The following CYRIB variants were observed in gnomAD, a reference collection of about 807,000 sequenced individuals.
The protein encoded by CYRIB is CYFIP-related Rac1 interactor B.
A neutral mutation model predicts 44.2 loss-of-function variants in CYRIB; 8 were observed. That is an observed-to-expected ratio of 0.18 (90% CI 0.11 to 0.33). The LOEUF (loss-of-function observed/expected upper bound fraction) is 0.33. CYRIB is among the 10% of genes least tolerant of loss of function. The pLI, the probability that CYRIB is intolerant of heterozygous loss-of-function variation, is 1.00. For missense variants in CYRIB, 185 were observed against 382.8 expected (o/e 0.48, Z 4.31); for synonymous variants, 131 against 127.2 (o/e 1.03, Z -0.20).
chr8:129,911,246 A>C (rs919401916), intron 1 of CYRIB, among the ~76,000 whole-genome samples: 1 of 152,216 alleles, frequency 6.6e-6, no homozygotes, highest in Admixed American at 6.5e-5. Flanking sequence ...GTTAAAATTA[A>C]ACCCTTTTCA....
chr8:129,869,893 C>G (rs905128489), intron 4 of CYRIB, among the ~76,000 whole-genome samples: 1 of 150,588 alleles, frequency 6.6e-6, no homozygotes. Context: ...ACCTCCCCCC[C>G]GCCCAAAAAA....
intron 3 of CYRIB, among the ~76,000 whole-genome samples, chr8:129,874,555 AC>A (rs1588190371): frequency 6.6e-6 from 1 of 152,236 alleles, no homozygotes; most frequent in East Asian, 1.9e-4. Flanking sequence ...TTACATCAAG[AC>A]AGAGACCAGA....
In CYRIB at chr8:129,850,849, G is replaced by T. The variant is rs1016510062; in HGVS notation, c.699C>A (p.Val233=). Reference sequence around the variant, plus strand: ...CTGATACTCACGGTGTTTCCAGCATGACTCTGCATACACTAGCCATTGTGC... The same window carrying T: ...CTGATACTCACGGTGTTTCCAGCATTACTCTGCATACACTAGCCATTGTGC... Residue 233 remains valine, a synonymous_variant, in exon 9 of 12, where the codon GTC becomes GTA. Coordinates refer to ENST00000519824, the Ensembl canonical transcript of CYRIB. 5 of 1,612,024 alleles carry T rather than the reference G, an allele frequency of 3.1e-6. No individual in the cohort carries two copies. The African/African-American group carries it at 6.7e-5, about 22-fold the overall frequency.
Position 129,999,583 on chromosome 8 carries a change from C to T in CYRIB, c.-296+16787G>A, listed in dbSNP as rs892841603. On this transcript the variant is annotated intron_variant, in intron 1 of 14. Coordinates refer to the CYRIB transcript ENST00000401979. ...CTTCCTGCCTGGTGGGCACCCCCAA[C>T]GATTGGCTAAGTTGGATGGAATCTC... Among the ~76,000 whole-genome samples, 72 of 152,348 alleles carry T rather than the reference C, an allele frequency of 4.7e-4. 1 individual carries two copies. Among genetic ancestry groups the T allele is most frequent in the African/African-American group, 1.7e-3 (69 of 41,584 alleles).
intron 2 of CYRIB, chr8:129,901,873 A>G (rs1456494755): frequency 6.6e-6 from 1 of 152,188 alleles, no homozygotes; most frequent in Non-Finnish European, 1.5e-5. Flanking sequence ...AGAAACACAC[A>G]TATTAATGTA....
chr8:129,924,292 G>C (rs868355987), intron 1 of CYRIB, among the ~76,000 whole-genome samples: 3 of 27,250 alleles, frequency 1.1e-4, no homozygotes, highest in Admixed American at 3.9e-4. Context: ...AAAAAAAACC[G>C]GGGGGGGGGG....
At chr8:129,998,876 T>C (rs1162192792) in intron 1 of CYRIB, among the ~76,000 whole-genome samples, 2 of 152,112 alleles carry the variant, frequency 1.3e-5, no homozygotes, top group Admixed American at 6.6e-5. Flanking sequence ...AAGTGAAATA[T>C]ATAAACCCCT....
chr8:129,989,361 T>A (rs2096564187), intron 1 of CYRIB, among the ~76,000 whole-genome samples: 1 of 152,226 alleles, frequency 6.6e-6, no homozygotes, highest in Non-Finnish European at 1.5e-5. Context: ...CGGTCTCTAC[T>A]TCCCAAAGCG....
chr8:129,842,072 T>TA, exon 12 of CYRIB: 5 of 1,121,208 alleles, frequency 4.5e-6, no homozygotes, highest in Non-Finnish European at 6.6e-6. Flanking sequence ...TTGCAATCAC[T>TA]AAAAAACTGC....
intron 1 of CYRIB, among the ~76,000 whole-genome samples, chr8:129,923,242 A>G (rs1246092669): frequency 4.4e-5 from 2 of 45,634 alleles, no homozygotes; most frequent in Non-Finnish European, 8.4e-5. Context: ...AAACTCTTAA[A>G]AAGAAAAAAA....
At chr8:129,985,427 G>T (rs28702583) in intron 1 of CYRIB, among the ~76,000 whole-genome samples, 1,809 of 152,110 alleles carry the variant, frequency 0.012, 34 homozygotes, top group African/African-American at 0.042. Flanking sequence ...TCCATGAGCC[G>T]GTGACCCACT....
At chr8:129,866,951 G>A (rs1044150721) in intron 4 of CYRIB, among the ~76,000 whole-genome samples, 5 of 152,216 alleles carry the variant, frequency 3.3e-5, no homozygotes, top group Non-Finnish European at 5.9e-5. Flanking sequence ...CTTAGTAAAC[G>A]TCAATGGTGA....
At chr8:129,945,948 A>G (rs916190609) in intron 2 of CYRIB, among the ~76,000 whole-genome samples, 3 of 152,022 alleles carry the variant, frequency 2.0e-5, no homozygotes, top group Non-Finnish European at 4.4e-5. Context: ...AACTAGACCC[A>G]CTCACTTGAT....
chr8:129,900,716 A>C (rs2071170475), intron 2 of CYRIB, among the ~76,000 whole-genome samples: 1 of 152,142 alleles, frequency 6.6e-6, no homozygotes, highest in Admixed American at 6.5e-5. Flanking sequence ...GTCCTGCTCT[A>C]CTGCCTAGGC....
intron 6 of CYRIB, 88 bp from the exon 9 acceptor site, chr8:129,854,431 A>G: frequency 2.3e-6 from 2 of 881,622 alleles, no homozygotes; most frequent in Non-Finnish European, 3.5e-6. Context: ...TTTAATTAGT[A>G]TAAAACATTC....
intron 1 of CYRIB, among the ~76,000 whole-genome samples, chr8:129,925,157 GGAGGCCGAGGAAGATGGATCACGT>G (rs1564017043): frequency 6.6e-6 from 1 of 152,112 alleles, no homozygotes; most frequent in Non-Finnish European, 1.5e-5. Flanking sequence ...CAGCACTTTG[GGAGGCCGAGGAAGATGGATCACGT>G]GAGGTCAGGA....
chr8:129,842,160 A>G, exon 12 of CYRIB: 1 of 1,612,634 alleles, frequency 6.2e-7, no homozygotes, highest in Non-Finnish European at 8.5e-7. Flanking sequence ...GCATGGATTT[A>G]ATTTGCTTGG....
intron 1 of CYRIB, among the ~76,000 whole-genome samples, chr8:129,917,781 T>C (rs894837616): frequency 6.6e-6 from 1 of 151,996 alleles, no homozygotes; most frequent in Non-Finnish European, 1.5e-5. Context: ...TGCTTGAACC[T>C]GGGAAGCAGA....
chr8:129,923,239 T>TATCTCAAAAACAAGAAAAAG (rs140530379), intron 1 of CYRIB, among the ~76,000 whole-genome samples: 4 of 150,536 alleles, frequency 2.7e-5, no homozygotes, highest in Non-Finnish European at 4.4e-5. Flanking sequence ...GCAAAACTCT[T>TATCTCAAAAACAAGAAAAAG]AAAAAGAAAA....
Sources: allele counts gnomAD v4.1 joint callset (sites outside exome capture counted in the v4.1 genomes callset), GRCh38; gene constraint gnomAD v4.1.1; transcripts MANE v1.5; gene names NCBI Gene and HGNC (gene_info 2026-07-23, HGNC 2026-07-21).